TMEM156: variants seen among roughly 807,000 people sequenced by gnomAD.
The protein encoded by TMEM156 is transmembrane protein 156.
In TMEM156, 28 loss-of-function variants were observed where a neutral mutation model predicts 30.5. That is an observed-to-expected ratio of 0.92 (90% CI 0.68 to 1.26). The LOEUF is 1.26. Among genes scored for constraint, TMEM156 ranks in the 50% most tolerant of loss-of-function variants. The pLI is 0.00. For missense variants in TMEM156, 351 were observed against 340.6 expected, an observed-to-expected ratio of 1.03 and a Z score of -0.24; for synonymous variants, 137 against 119.9, an observed-to-expected ratio of 1.14 and a Z score of -0.93.
intron 3 of TMEM156, among the ~76,000 whole-genome samples, 200 bp from the exon 4 acceptor site, chr4:38,989,170 G>A (rs1261064356): frequency 2.0e-5 from 3 of 152,214 alleles, no homozygotes; most frequent in Non-Finnish European, 4.4e-5. Context: ...GGGTAAACTT[G>A]AGTAGGTAGC....
intron 1 of TMEM156, among the ~76,000 whole-genome samples, chr4:39,007,947 T>C (rs549338247): frequency 1.1e-4 from 16 of 152,186 alleles, no homozygotes; most frequent in Admixed American, 5.2e-4. Context: ...GTTGGTAGTA[T>C]ATGGAAATAC....
intron 5 of TMEM156, chr4:38,980,830 C>A (rs1723142955): frequency 1.4e-6 from 1 of 731,324 alleles, no homozygotes; most frequent in African/African-American, 1.9e-5. Context: ...ATGGTTCAGG[C>A]AGGGACAATC....
chr4:38,997,779 T>C (rs928335763), intron 2 of TMEM156, among the ~76,000 whole-genome samples: 1 of 152,246 alleles, frequency 6.6e-6, no homozygotes, highest in African/African-American at 2.4e-5. Flanking sequence ...ATTTATTCAG[T>C]TGTTCATTCC....
chr4:38,999,468 C>A (rs1560372400), intron 1 of TMEM156, among the ~76,000 whole-genome samples: 1 of 151,512 alleles, frequency 6.6e-6, no homozygotes, highest in Non-Finnish European at 1.5e-5. Context: ...TTAGATTCTT[C>A]TGAATCCATC....
chr4:38,986,222 T>C, intron 5 of TMEM156, 114 bp downstream of exon 5: 4 of 731,926 alleles, frequency 5.5e-6, no homozygotes, highest in South Asian at 4.8e-5. Context: ...TTATTCCAGA[T>C]ACAAGGCTAA....
At chr4:39,013,177 T>C (rs1714237784) in intron 1 of TMEM156, among the ~76,000 whole-genome samples, 1 of 151,374 alleles carries the variant, frequency 6.6e-6, no homozygotes, top group African/African-American at 2.4e-5. Context: ...GGCACATGCC[T>C]GTAGTCCCAG....
At chr4:39,011,872 G>A (rs1014538565) in intron 1 of TMEM156, among the ~76,000 whole-genome samples, 2 of 152,174 alleles carry the variant, frequency 1.3e-5, no homozygotes, top group African/African-American at 4.8e-5. Context: ...GCAGCAACAT[G>A]GTTGCAGCTG....
intron 5 of TMEM156, 86 bp downstream of exon 5, chr4:38,986,250 C>T (rs1711971856): frequency 1.1e-6 from 1 of 930,016 alleles, no homozygotes; most frequent in South Asian, 1.3e-5. Context: ...AAGCTCAGAT[C>T]TCAGATCTTG....
intron 5 of TMEM156, among the ~76,000 whole-genome samples, chr4:38,975,367 C>CTTTTTT (rs1197205358): frequency 9.6e-5 from 14 of 146,408 alleles, no homozygotes; most frequent in Non-Finnish European, 1.8e-4. Flanking sequence ...GATTTTTTTT[C>CTTTTTT]TTTTCTTTTT....
At chr4:39,011,729 C>G (rs755195499) in intron 1 of TMEM156, among the ~76,000 whole-genome samples, 4 of 152,086 alleles carry the variant, frequency 2.6e-5, no homozygotes, top group Non-Finnish European at 5.9e-5. Flanking sequence ...GCCGACATCA[C>G]ATAATTGCAC....
At chr4:39,028,367 G>A (rs906577395) in intron 1 of TMEM156, 6 of 152,146 alleles carry the variant, frequency 3.9e-5, no homozygotes, top group Non-Finnish European at 8.8e-5. Flanking sequence ...AGGAATACTA[G>A]GTGATCATTT....
intron 1 of TMEM156, among the ~76,000 whole-genome samples, chr4:39,030,446 A>G (rs111979480): frequency 2.6e-5 from 4 of 152,272 alleles, no homozygotes; most frequent in African/African-American, 9.6e-5. Context: ...TCTTTCTTCT[A>G]CCTACCAATA....
chr4:39,002,514 C>G (rs1315419422), intron 1 of TMEM156, among the ~76,000 whole-genome samples: 3 of 135,446 alleles, frequency 2.2e-5, no homozygotes, highest in Non-Finnish European at 5.0e-5. Flanking sequence ...TACCATTTGA[C>G]CCAGCCATCC....
At position 38,996,276 on chromosome 4, in the gene TMEM156, A is replaced by AAC. The variant is rs1491103790; in HGVS notation, c.359-2279_359-2278insGT. On this transcript the variant is annotated intron_variant, in intron 2 of 6. Transcript: ENST00000381938. ...ACCATTACTAAGAAAAAAAAAAAAA[A>AAC]GAACAGGTGCAGTGGCTCACACCTG... Among the ~76,000 whole-genome samples, 823 of 89,842 alleles carry AAC rather than the reference A, an allele frequency of 9.2e-3. 11 individuals carry two copies. The highest frequency in any genetic ancestry group is 0.025 in the African/African-American group (783 of 30,710). The allele number at this position is 89,842 out of a possible 152,430, so 58.9% of individuals were successfully genotyped here. A position where few individuals can be genotyped will look rare whatever the true frequency, so the allele number is the denominator to read the frequency against.
At chr4:39,012,279 C>T (rs1025541274) in intron 1 of TMEM156, among the ~76,000 whole-genome samples, 3 of 152,132 alleles carry the variant, frequency 2.0e-5, no homozygotes, top group Admixed American at 6.5e-5. Context: ...ATAAATATCA[C>T]ATTTATTTGC....
chr4:39,024,465 A>G (rs758579711), intron 1 of TMEM156, among the ~76,000 whole-genome samples: 2 of 152,222 alleles, frequency 1.3e-5, no homozygotes, highest in Non-Finnish European at 2.9e-5. Flanking sequence ...AAAATGTGGT[A>G]TTATATACAC....
At chr4:38,977,072 T>A (rs113104672) in intron 5 of TMEM156, among the ~76,000 whole-genome samples, 9,690 of 152,154 alleles carry the variant, frequency 0.064, 568 homozygotes, top group African/African-American at 0.15. Context: ...CACCGGCTAA[T>A]TTTTGTATTT....
intron 5 of TMEM156, among the ~76,000 whole-genome samples, chr4:38,978,003 T>C (rs1371989523): frequency 6.6e-6 from 1 of 152,216 alleles, no homozygotes; most frequent in Non-Finnish European, 1.5e-5. Context: ...CCTCAACTCA[T>C]CTTTCCCAAG....
At position 38,993,938 on chromosome 4, in the gene TMEM156, TGC is replaced by T; in HGVS notation, c.417_418del (p.His140LeufsTer2). 6.2e-7 allele frequency: 1 copy of T among 1,614,120 alleles called. No individual in the cohort carries two copies. Among genetic ancestry groups the T allele is most frequent in the Non-Finnish European group, 8.5e-7 (1 of 1,179,990 alleles). The stretch of plus-strand genomic sequence containing the variant: ...CAGAGGAGCTACACTGAAGTTAAAG[TGC>T]TGACAAGGTGAATGAAAATCATTTG... On this transcript the variant is annotated frameshift_variant, in exon 3 of 7. Coordinates refer to ENST00000381938, the MANE Select transcript of TMEM156 (RefSeq NM_024943.3). LOFTEE classifies it high-confidence loss of function.
Sources: allele counts gnomAD v4.1 joint callset (sites outside exome capture counted in the v4.1 genomes callset), GRCh38; gene constraint gnomAD v4.1.1; transcripts MANE v1.5; gene names NCBI Gene and HGNC (gene_info 2026-07-23, HGNC 2026-07-21).